FAT3: variants seen among roughly 807,000 people sequenced by gnomAD.
The protein encoded by FAT3 is FAT atypical cadherin 3, also known as protocadherin Fat 3.
FAT3 carries 95 observed loss-of-function variants against 310.2 expected under a neutral mutation model. That is an observed-to-expected ratio of 0.31 (90% CI 0.26 to 0.36). FAT3 has a LOEUF of 0.36. FAT3 is among the 10% of genes least tolerant of loss of function. The probability of loss-of-function intolerance (pLI) is 1.00; values close to 1 mark genes in which losing one functional copy is unlikely to be tolerated. For missense variants in FAT3, 5,408 were observed against 5,715.6 expected (o/e 0.95, Z 1.74); for synonymous variants, 2,314 against 2,192.9 (o/e 1.06, Z -1.54).
At chr11:92,849,893 A>G (rs916438754) in intron 19 of FAT3, among the ~76,000 whole-genome samples, 3 of 152,132 alleles carry the variant, frequency 2.0e-5, no homozygotes, top group African/African-American at 7.2e-5. Flanking sequence ...GCATTGGGCA[A>G]ATGACAGAGA....
rs1490254095 is a variant in FAT3 at position 92,896,084 on chromosome 11, G to C, written c.*4971G>C. 1 of 151,952 alleles carries C rather than the reference G, an allele frequency of 6.6e-6. No individual in the cohort carries two copies. The highest frequency in any genetic ancestry group is 1.5e-5 in the Non-Finnish European group (1 of 67,992). 9.4% of individuals were successfully genotyped at this position (151,952 alleles called of 1,614,324 possible). On this transcript the variant is annotated 3_prime_UTR_variant, in exon 28 of 28. Transcript: ENST00000525166. ...ACATTTGTAAAAAAGAATGTGTTTT[G>C]CCCAGTTATTAAGTATTTTATTTTT... is the stretch of plus-strand genomic sequence containing the variant.
chr11:92,789,893 C>G (rs764271496), intron 7 of FAT3, 50 bp from the exon 8 acceptor site: 73 of 1,586,894 alleles, frequency 4.6e-5, no homozygotes, highest in Non-Finnish European at 6.0e-5. Flanking sequence ...CTTTTATTAG[C>G]AGTGAGCAAA....
At chr11:92,263,265 G>A (rs7944251) in intron 1 of FAT3, among the ~76,000 whole-genome samples, 42,034 of 151,074 alleles carry the variant, frequency 0.28, 6,512 homozygotes, top group African/African-American at 0.41. Flanking sequence ...GGTTTTCCTC[G>A]GGGTTTTTAT....
chr11:92,602,234 C>T (rs757446813), intron 3 of FAT3, among the ~76,000 whole-genome samples: 21 of 151,906 alleles, frequency 1.4e-4, no homozygotes, highest in Non-Finnish European at 2.1e-4. Flanking sequence ...CCACCACGCC[C>T]GGCTAATTTT....
At chr11:92,422,507 G>T (rs1950552648) in intron 2 of FAT3, among the ~76,000 whole-genome samples, 1 of 152,280 alleles carries the variant, frequency 6.6e-6, no homozygotes, top group East Asian at 1.9e-4. Flanking sequence ...AAGGCCCTAT[G>T]AAGGGAATGG....
intron 4 of FAT3, among the ~76,000 whole-genome samples, chr11:92,751,038 A>G (rs1945814654): frequency 6.6e-6 from 1 of 152,182 alleles, no homozygotes; most frequent in Non-Finnish European, 1.5e-5. Context: ...GCCAAAGCCC[A>G]CATGCTGTAT....
intron 1 of FAT3, among the ~76,000 whole-genome samples, chr11:92,333,842 A>T (rs1398964780): frequency 1.3e-5 from 2 of 152,002 alleles, no homozygotes; most frequent in African/African-American, 4.8e-5. Context: ...CAAAGCATTT[A>T]TACTCTTCCT....
At chr11:92,599,616 T>C (rs1283746857) in intron 3 of FAT3, among the ~76,000 whole-genome samples, 1 of 152,204 alleles carries the variant, frequency 6.6e-6, no homozygotes, top group African/African-American at 2.4e-5. Flanking sequence ...CAGCCAAATA[T>C]CCAATCAAAC....
chr11:92,564,355 C>G lies in FAT3; in HGVS notation c.3607+39407C>G, dbSNP rs528446395. Among the ~76,000 whole-genome samples, 1,057 of 150,768 alleles carry G rather than the reference C, an allele frequency of 7.0e-3. 13 individuals are homozygous for G. The highest frequency in any genetic ancestry group is 0.023 in the African/African-American group (948 of 41,012). On this transcript the variant is annotated intron_variant, in intron 3 of 27. Transcript: ENST00000525166. ...GAGCTAACTATCCTAAATATATATGCACCCAATACAGGAGCACCCAGATTC... is the reference window on the plus strand; with the variant it reads ...GAGCTAACTATCCTAAATATATATGGACCCAATACAGGAGCACCCAGATTC...
chr11:92,556,252 A>G (rs1480102437), intron 3 of FAT3, among the ~76,000 whole-genome samples: 2 of 152,110 alleles, frequency 1.3e-5, no homozygotes, highest in Non-Finnish European at 2.9e-5. Flanking sequence ...CTCTTCTTTT[A>G]AATTTTTGCT....
At chr11:92,830,923 A>G (rs1273101335) in intron 13 of FAT3, among the ~76,000 whole-genome samples, 2 of 152,140 alleles carry the variant, frequency 1.3e-5, no homozygotes, top group Non-Finnish European at 2.9e-5. Flanking sequence ...TAGATGTGGA[A>G]CCTGACCCCT....
At chr11:92,508,998 A>G (rs1385860093) in intron 2 of FAT3, among the ~76,000 whole-genome samples, 4 of 152,132 alleles carry the variant, frequency 2.6e-5, no homozygotes, top group Non-Finnish European at 5.9e-5. Flanking sequence ...CTCATGCAAA[A>G]TCTTCTCAGC....
chr11:92,548,196 T>G (rs1016751490), intron 3 of FAT3, among the ~76,000 whole-genome samples: 5 of 152,294 alleles, frequency 3.3e-5, no homozygotes, highest in African/African-American at 1.2e-4. Context: ...ACCATGTTGG[T>G]GACTTGTTAC....
chr11:92,410,254 A>G (rs796990293), intron 2 of FAT3, among the ~76,000 whole-genome samples: 4 of 152,110 alleles, frequency 2.6e-5, no homozygotes, highest in African/African-American at 9.6e-5. Flanking sequence ...CATGCTATGT[A>G]GCCACTTAAA....
At chr11:92,625,863 A>T (rs944348581) in intron 3 of FAT3, among the ~76,000 whole-genome samples, 19 of 152,090 alleles carry the variant, frequency 1.2e-4, no homozygotes, top group African/African-American at 4.3e-4. Context: ...GAAGGCAAAG[A>T]TGAATTGTGA....
chr11:92,606,695 A>C (rs1281901025), intron 3 of FAT3, among the ~76,000 whole-genome samples: 2 of 152,200 alleles, frequency 1.3e-5, no homozygotes, highest in Non-Finnish European at 2.9e-5. Flanking sequence ...CACATCTTAG[A>C]ATTCAGGAAG....
chr11:92,859,553 C>T (rs1269296267), intron 21 of FAT3, among the ~76,000 whole-genome samples: 2 of 152,130 alleles, frequency 1.3e-5, no homozygotes, highest in African/African-American at 2.4e-5. Context: ...CTCTTGAGAG[C>T]GGGTTCAAGG....
chr11:92,654,841 C>T (rs879259142), intron 3 of FAT3, among the ~76,000 whole-genome samples: 3 of 152,150 alleles, frequency 2.0e-5, no homozygotes, highest in Non-Finnish European at 4.4e-5. Flanking sequence ...TTATTTATCA[C>T]CCAACAACAA....
intron 2 of FAT3, among the ~76,000 whole-genome samples, chr11:92,444,475 A>G (rs1205404570): frequency 1.3e-5 from 2 of 152,138 alleles, no homozygotes; most frequent in East Asian, 3.9e-4. Context: ...AACGTCTTGG[A>G]CCAGTGTCCT....
Sources: allele counts gnomAD v4.1 joint callset (sites outside exome capture counted in the v4.1 genomes callset), GRCh38; gene constraint gnomAD v4.1.1; transcripts MANE v1.5; gene names NCBI Gene and HGNC (gene_info 2026-07-23, HGNC 2026-07-21).